The following HDAC5 variants were observed in gnomAD, a reference collection of about 807,000 sequenced individuals.
The protein encoded by HDAC5 is histone deacetylase 5.
HDAC5 carries 25 observed loss-of-function variants against 133.3 expected under a neutral mutation model. The ratio of observed to expected loss-of-function variants is 0.19; its 90% confidence interval spans 0.14 to 0.26. The LOEUF (loss-of-function observed/expected upper bound fraction) is 0.26, where lower values mean the gene tolerates loss of function less well. Among genes scored for constraint, HDAC5 ranks in the 10% least tolerant of loss-of-function variants. HDAC5 has a pLI of 1.00. For missense variants in HDAC5, 1,041 were observed against 1,460.5 expected, an observed-to-expected ratio of 0.71 and a Z score of 4.68; for synonymous variants, 589 against 610.8, an observed-to-expected ratio of 0.96 and a Z score of 0.53.
intron 3 of HDAC5, 101 bp downstream of exon 3, chr17:44,110,628 C>G (rs2052274435): frequency 1.1e-6 from 1 of 914,386 alleles, no homozygotes; most frequent in Non-Finnish European, 1.8e-6. Context: ...CAAGACAGAT[C>G]TATGCAGGAC....
intron 3 of HDAC5, among the ~76,000 whole-genome samples, chr17:44,108,610 G>A (rs150941342): frequency 6.6e-6 from 1 of 151,846 alleles, no homozygotes; most frequent in South Asian, 2.1e-4. Flanking sequence ...TCTGGAGACC[G>A]ATCAAGAGAT....
chr17:44,082,532 C>A, intron 20 of HDAC5, 53 bp downstream of exon 20: 2 of 1,410,910 alleles, frequency 1.4e-6, no homozygotes, highest in Non-Finnish European at 2.0e-6. Flanking sequence ...TGAAGGCTGA[C>A]CCTGGTCCTA....
Position 44,086,735 on chromosome 17 carries a change from C to T in HDAC5, c.1887G>A (p.Leu629=), listed in dbSNP as rs1488472906. 2.3e-6 allele frequency: 3 copies of T among 1,294,468 alleles called. No homozygotes were observed. The highest frequency in any genetic ancestry group is 3.0e-6 in the Non-Finnish European group (3 of 1,014,838). The allele number at this position is 1,294,468 out of a possible 1,614,324, so 80.2% of individuals were successfully genotyped here. Residue 629 remains leucine, a splice_region_variant and synonymous_variant, in exon 14 of 27, where the codon CTG becomes CTA. Coordinates refer to ENST00000682912, the MANE Select transcript of HDAC5 (RefSeq NM_005474.5). ...GCTGCAGCGGCTGGGCATCTGAGAA[C>T]AGCTGGAGGGGAGAATGGGAGGGGG... The part of the protein sequence containing the change: ...LEEPGAGYKK[L]FSDAQPLQPL...
rs376020356 is a variant in HDAC5, at chr17:44,110,087, TG to T, written c.94+641del. ...GTAACACCTCTTCATCCTCATGAGA[TG>T]GGAATCAACCCAGACCTGGGGAGAG... On this transcript the variant is annotated intron_variant, in intron 3 of 26. Coordinates refer to ENST00000682912, the MANE Select transcript of HDAC5 (RefSeq NM_005474.5). 3.9e-5 allele frequency among the ~76,000 whole-genome samples: 6 copies of T among 152,342 alleles called. No individual in the cohort carries two copies. The South Asian group carries it at 6.2e-4, about 16-fold the overall frequency.
intron 11 of HDAC5, among the ~76,000 whole-genome samples, chr17:44,090,311 G>A (rs1044286800): frequency 1.3e-5 from 2 of 152,186 alleles, no homozygotes; most frequent in Admixed American, 6.6e-5. Context: ...AACTGCATAT[G>A]TATTACCGAA....
At chr17:44,114,472 A>G (rs2052534063) in intron 2 of HDAC5, among the ~76,000 whole-genome samples, 1 of 152,052 alleles carries the variant, frequency 6.6e-6, no homozygotes, top group Non-Finnish European at 1.5e-5. Context: ...ATCCTGGAAA[A>G]GGGAAAGAGA....
chr17:44,117,757 C>A lies in HDAC5; in HGVS notation c.-189-53G>T. The A allele has an allele frequency of 5.0e-6, 3 of 598,398 alleles. No individual in the cohort carries two copies. Among genetic ancestry groups the A allele is most frequent in the South Asian group, 2.0e-5 (1 of 51,018 alleles). 37.1% of individuals were successfully genotyped at this position (598,398 alleles called of 1,614,324 possible). A position where few individuals can be genotyped will look rare whatever the true frequency, so the allele number is the denominator to read the frequency against. On this transcript the variant is annotated intron_variant, in intron 1 of 26. Coordinates refer to ENST00000682912, the MANE Select transcript of HDAC5 (RefSeq NM_005474.5). This position sits in a 1 kb window ranked among gnomAD's most constrained non-coding sequence, Gnocchi z 4.2. Reference sequence around the variant, plus strand: ...GCCCCTAACTCAGGAATCTGAGAGTCGAAGGAGACCTTGGAGCTCATCAGT... The same window carrying A: ...GCCCCTAACTCAGGAATCTGAGAGTAGAAGGAGACCTTGGAGCTCATCAGT...
In HDAC5 at chr17:44,093,657, T is replaced by C; in HGVS notation, c.272A>G (p.Lys91Arg). 2 of 1,612,410 alleles carry C rather than the reference T, an allele frequency of 1.2e-6. No individual in the cohort carries two copies. Among genetic ancestry groups the C allele is most frequent in the South Asian group, 2.2e-5 (2 of 90,948 alleles). Residue 91 changes from lysine (K) to arginine (R), a missense_variant, in exon 4 of 27, where the codon AAG (lysine) becomes AGG (arginine). Around this residue, in one of 9 missense-constraint regions of HDAC5, gnomAD observed 109 missense variants for 168.0 expected, o/e 0.65. Coordinates refer to ENST00000682912, the MANE Select transcript of HDAC5 (RefSeq NM_005474.5). ...CTGGAACTCAGCGAACAGGAGCTGC[T>C]TCTGCAGCTGCTGCTGCTGCTTGAG... is the stretch of plus-strand genomic sequence containing the variant. ...LALKQQQQLQ[K>R]QLLFAEFQKQ...
At chr17:44,102,133 G>C (rs139915598) in intron 3 of HDAC5, among the ~76,000 whole-genome samples, 98 of 152,342 alleles carry the variant, frequency 6.4e-4, no homozygotes, top group Non-Finnish European at 1.0e-3. Context: ...TGTGTAGGTG[G>C]CATATTGCAC....
chr17:44,078,736 G>A (rs556972697), intron 25 of HDAC5, 59 bp downstream of exon 25: 2 of 1,609,268 alleles, frequency 1.2e-6, no homozygotes, highest in Non-Finnish European at 1.7e-6. Flanking sequence ...CAGTCCTGGT[G>A]CTCCCACAAG....
At chr17:44,102,926 C>T (rs1453480292) in intron 3 of HDAC5, among the ~76,000 whole-genome samples, 4 of 152,144 alleles carry the variant, frequency 2.6e-5, no homozygotes, top group African/African-American at 9.7e-5. Flanking sequence ...CCTCGCCTCC[C>T]AAAGTGTTGG....
At position 44,093,715 on chromosome 17, in the gene HDAC5, G is replaced by A. The variant is rs746035403; in HGVS notation, c.214C>T (p.Arg72Trp). 22 of 1,604,672 alleles carry A rather than the reference G, an allele frequency of 1.4e-5. No individual in the cohort carries two copies. The highest frequency in any genetic ancestry group is 1.9e-5 in the Non-Finnish European group (22 of 1,175,846). The change falls in exon 4 of 27, where the codon CGG becomes TGG. Residue 72 changes from arginine to tryptophan, a missense_variant. Physicochemically the swap from Arg to Trp is moderately radical, Grantham distance 101 (BLOSUM62 -3). Transcript: ENST00000682912. Reference sequence around the variant, plus strand: ...AGCTCCTGCTGCAGTTGCTGCTCCCGCAGTGTGGGGTCCACAGAGCCCACC... The same window carrying A: ...AGCTCCTGCTGCAGTTGCTGCTCCCACAGTGTGGGGTCCACAGAGCCCACC... ...ALVGSVDPTL[R>W]EQQLQQELLA...
intron 2 of HDAC5, chr17:44,111,214 T>A (rs1455456967): frequency 3.3e-6 from 1 of 299,914 alleles, no homozygotes; most frequent in African/African-American, 2.2e-5. Context: ...CCCGGCTCCC[T>A]GCTCCTCCTT....
rs1405658338 is a variant in HDAC5, at chr17:44,080,479, A to C, written c.2747T>G (p.Val916Gly). The change falls in exon 22 of 27, where the codon GTG becomes GGG. Residue 916 changes from valine to glycine, a missense_variant. Coordinates refer to ENST00000682912, the MANE Select transcript of HDAC5 (RefSeq NM_005474.5). ...CCATGCCACGTTCACATTGTACCCC[A>C]CGCCTGGTCCTCCACCAACCTGGCA... ...APEEVGGGPG[V>G]GYNVNVAWTG... 6.2e-7 allele frequency: 1 copy of C among 1,614,026 alleles called. No homozygotes were observed. The highest frequency in any genetic ancestry group is 1.1e-5 in the South Asian group (1 of 91,084).
intron 11 of HDAC5, 55 bp from the exon 12 acceptor site, chr17:44,088,653 C>G: frequency 6.4e-7 from 1 of 1,572,488 alleles, no homozygotes; most frequent in Non-Finnish European, 8.7e-7. Context: ...TGACTGCCCT[C>G]CCACCGACCC....
intron 3 of HDAC5, among the ~76,000 whole-genome samples, chr17:44,094,475 A>G (rs532737349): frequency 9.9e-4 from 150 of 152,132 alleles, no homozygotes; most frequent in African/African-American, 3.5e-3. Flanking sequence ...GTCTCTACTA[A>G]AAACAAAAAA....
Position 44,078,775 on chromosome 17 carries a change from C to A in HDAC5, c.3163+20G>T. The A allele has an allele frequency of 7.4e-6, 12 of 1,613,308 alleles. No individual in the cohort carries two copies. The highest frequency in any genetic ancestry group is 1.0e-5 in the Non-Finnish European group (12 of 1,179,238). On this transcript the variant is annotated intron_variant, in intron 25 of 26. Coordinates refer to ENST00000682912, the MANE Select transcript of HDAC5 (RefSeq NM_005474.5). Reference sequence around the variant, plus strand: ...CGTGCCCCCTTGGCAGCCTGAGCCCCTCTACGTGTCCTCACGCACTCTGGA... The same window carrying A: ...CGTGCCCCCTTGGCAGCCTGAGCCCATCTACGTGTCCTCACGCACTCTGGA...
chr17:44,080,340 C>T (rs537284972), intron 22 of HDAC5, 61 bp downstream of exon 22: 31 of 1,572,492 alleles, frequency 2.0e-5, no homozygotes, highest in Non-Finnish European at 2.7e-5. Flanking sequence ...GCCTTCTGCC[C>T]CTCCCACTGC....
intron 3 of HDAC5, among the ~76,000 whole-genome samples, chr17:44,096,564 C>T (rs1386277297): frequency 6.6e-6 from 1 of 151,278 alleles, no homozygotes. Context: ...ACCTCTGCCT[C>T]CTGGGTTCAA....
Sources: gnomAD v4.1 joint callset for allele counts (sites outside exome capture counted in the v4.1 genomes callset) on GRCh38, gnomAD v4.1.1 for gene constraint, gnomAD v4.1.1 regional missense constraint, Gnocchi (gnomAD v3.1) non-coding constraint, MANE v1.5 for transcripts, NCBI Gene and HGNC (gene_info 2026-07-23, HGNC 2026-07-21) for gene names.